TATDN1: variants seen among roughly 807,000 people sequenced by gnomAD.
TATDN1 encodes the protein TatD DNase domain containing 1.
TATDN1 carries 40 observed loss-of-function variants against 46.4 expected under a neutral mutation model. The observed-to-expected ratio is 0.86, with a 90% CI of 0.67 to 1.12. The LOEUF is 1.12. TATDN1 is among the 50% of genes most tolerant of loss of function. The pLI, the probability that TATDN1 is intolerant of heterozygous loss-of-function variation, is 0.00. For missense variants in TATDN1, 326 were observed against 348.4 expected (o/e 0.94, Z 0.51); for synonymous variants, 95 against 105.6 (o/e 0.90, Z 0.62).
At chr8:124,536,246 T>G (rs559689731) in intron 1 of TATDN1, among the ~76,000 whole-genome samples, 4 of 151,790 alleles carry the variant, frequency 2.6e-5, no homozygotes, top group African/African-American at 9.7e-5. Context: ...GAAAAGAGAG[T>G]ATAAGCTGGG....
rs374261084 is a variant in TATDN1, at chr8:124,491,975, CT to C, written c.791+1857del. On this transcript the variant is annotated intron_variant, in intron 11 of 11. Transcript: ENST00000276692. ...AAGTATTGATGAAGCCTTCACAGTT[CT>C]TTTTTTTTTTTTTTTGAGATGTATT... is the stretch of plus-strand genomic sequence containing the variant. 1.7e-3 allele frequency among the ~76,000 whole-genome samples: 231 copies of C among 136,448 alleles called. 1 individual carries two copies. Among genetic ancestry groups the C allele is most frequent in the Middle Eastern group, 0.011 (3 of 268 alleles). The allele number at this position is 136,448 out of a possible 152,430, so 89.5% of individuals were successfully genotyped here.
intron 9 of TATDN1, among the ~76,000 whole-genome samples, chr8:124,499,851 T>TC (rs1348037182): frequency 7.2e-6 from 1 of 139,586 alleles, no homozygotes; most frequent in Non-Finnish European, 1.5e-5. Flanking sequence ...GCCCCCATGT[T>TC]CTTTTTTTTT....
Position 124,508,666 on chromosome 8 carries a change from G to C in TATDN1, c.412C>G (p.Leu138Val). Residue 138 changes from leucine to valine, a missense_variant, in exon 7 of 12, where the codon CTG (leucine) becomes GTG (valine). Leu to Val is a conservative substitution (Grantham distance 32). Transcript: ENST00000276692. ...ATTGGTAATTTTGTTTGTTCTGACA[G>C]TTCAAACTGTTTTTCAAAATATCTG... ...QLKYFEKQFE[L>V]SEQTKLPMFL... The C allele has an allele frequency of 3.8e-6, 6 of 1,559,794 alleles. No homozygotes were observed. The South Asian group carries it at 4.8e-5, about 13-fold the overall frequency.
intron 8 of TATDN1, 56 bp downstream of exon 8, chr8:124,508,418 G>T: frequency 6.8e-7 from 1 of 1,478,286 alleles, no homozygotes; most frequent in South Asian, 1.2e-5. Flanking sequence ...GGAGTATTTT[G>T]GATTTTTGGA....
At chr8:124,504,375 A>G in intron 8 of TATDN1, 28 bp from the exon 9 acceptor site, 1 of 1,422,198 alleles carries the variant, frequency 7.0e-7, no homozygotes, top group Non-Finnish European at 9.5e-7. Context: ...TAAGTTTATT[A>G]TTATAATAAT....
chr8:124,520,589 CTAAA>C (rs1445275996), intron 3 of TATDN1, among the ~76,000 whole-genome samples: 1 of 151,852 alleles, frequency 6.6e-6, no homozygotes, highest in African/African-American at 2.4e-5. Flanking sequence ...TACAACTTTA[CTAAA>C]TAGTTGAAAA....
At chr8:124,506,216 C>G (rs1586597722) in intron 8 of TATDN1, among the ~76,000 whole-genome samples, 1 of 150,970 alleles carries the variant, frequency 6.6e-6, no homozygotes, top group South Asian at 2.1e-4. Flanking sequence ...GTGCCTGTAG[C>G]CCCAGCTACT....
At chr8:124,500,537 T>A (rs777348529) in intron 9 of TATDN1, among the ~76,000 whole-genome samples, 1 of 152,044 alleles carries the variant, frequency 6.6e-6, no homozygotes, top group South Asian at 2.1e-4. Flanking sequence ...TGAAACCCCA[T>A]CTCTACAAAA....
rs747021784 is a variant in TATDN1 at position 124,522,942 on chromosome 8, T to A, written c.83A>T (p.His28Leu). Residue 28 changes from histidine to leucine, a missense_variant, in exon 2 of 12, where the codon CAT (histidine) becomes CTT (leucine). Coordinates refer to ENST00000276692, the MANE Select transcript of TATDN1 (RefSeq NM_032026.4). ...FRGIYRGVQK[H>L]QDDLQDVIGR... ...TTAATAAAGGAAATATTTACCTTGATGCTTTTGAACCCCCCTATAAATTCC... is the reference window on the plus strand; with the variant it reads ...TTAATAAAGGAAATATTTACCTTGAAGCTTTTGAACCCCCCTATAAATTCC... 2 of 1,612,812 alleles carry A rather than the reference T, an allele frequency of 1.2e-6. No homozygotes were observed. The highest frequency in any genetic ancestry group is 1.3e-5 in the African/African-American group (1 of 74,934).
Position 124,519,052 on chromosome 8 carries a change from C to T in TATDN1, c.139-171G>A, listed in dbSNP as rs78557794. 4.0e-3 allele frequency among the ~76,000 whole-genome samples: 610 copies of T among 152,220 alleles called. 5 individuals carry two copies. The highest frequency in any genetic ancestry group is 0.014 in the African/African-American group (573 of 41,532). On this transcript the variant is annotated intron_variant, in intron 3 of 11. Coordinates refer to ENST00000276692, the MANE Select transcript of TATDN1 (RefSeq NM_032026.4). Reference sequence around the variant, plus strand: ...GATTACCTCCTATGCAGAGTAGTGCCTGACTACACCTCAGGGATGTATGTA... The same window carrying T: ...GATTACCTCCTATGCAGAGTAGTGCTTGACTACACCTCAGGGATGTATGTA...
intron 1 of TATDN1, among the ~76,000 whole-genome samples, chr8:124,526,415 T>C (rs1449229551): frequency 1.3e-5 from 2 of 152,234 alleles, no homozygotes; most frequent in Non-Finnish European, 2.9e-5. Flanking sequence ...AGACAAATAC[T>C]GTATGAAAAC....
chr8:124,497,714 C>T (rs1817603707), intron 9 of TATDN1, among the ~76,000 whole-genome samples: 1 of 152,156 alleles, frequency 6.6e-6, no homozygotes, highest in Non-Finnish European at 1.5e-5. Flanking sequence ...AGGCATATAT[C>T]TGGTGGTATT....
chr8:124,518,242 A>T (rs1166093754), intron 4 of TATDN1, among the ~76,000 whole-genome samples: 3 of 89,384 alleles, frequency 3.4e-5, no homozygotes, highest in African/African-American at 1.3e-4. Context: ...AAAAAAAAAA[A>T]GGCCGGGTGC....
intron 9 of TATDN1, among the ~76,000 whole-genome samples, chr8:124,497,434 T>C (rs1215524451): frequency 2.0e-5 from 3 of 151,956 alleles, no homozygotes; most frequent in Non-Finnish European, 2.9e-5. Context: ...TACAGGTGCC[T>C]GCCACCACGC....
chr8:124,514,303 C>T (rs974781331), intron 6 of TATDN1, among the ~76,000 whole-genome samples: 10 of 152,000 alleles, frequency 6.6e-5, no homozygotes, highest in South Asian at 2.1e-4. Flanking sequence ...TTTCCTCATG[C>T]GTAATTTAAA....
intron 4 of TATDN1, 22 bp from the exon 5 acceptor site, chr8:124,516,052 G>A: frequency 5.8e-6 from 9 of 1,551,302 alleles, no homozygotes; most frequent in Non-Finnish European, 7.0e-6. Flanking sequence ...TAATGTCTTA[G>A]GATTATTTTC....
chr8:124,527,048 A>G (rs1374468558), intron 1 of TATDN1, among the ~76,000 whole-genome samples: 1 of 152,204 alleles, frequency 6.6e-6, no homozygotes, highest in African/African-American at 2.4e-5. Context: ...TCTTTTATTG[A>G]CGTGCAACCT....
rs371587477 is a variant in TATDN1, at chr8:124,539,040, G to C, written c.7C>G (p.Arg3Gly). ...CTCCTCTTACCGATAAACTTGAAGC[G>C]ACTCATGACTGCGCATGGAGGACCT... MS[R>G]FKFIDIGINL... Residue 3 changes from arginine to glycine, a missense_variant, in exon 1 of 12, where the codon CGC (arginine) becomes GGC (glycine). Physicochemically the swap from Arg to Gly is moderately radical, Grantham distance 125. Transcript: ENST00000276692. 4.7e-5 allele frequency: 76 copies of C among 1,613,848 alleles called. No individual in the cohort carries two copies. Among genetic ancestry groups the C allele is most frequent in the African/African-American group, 4.1e-4 (31 of 75,028 alleles).
chr8:124,535,946 A>G (rs1292609514), intron 1 of TATDN1, among the ~76,000 whole-genome samples: 1 of 152,206 alleles, frequency 6.6e-6, no homozygotes, highest in Non-Finnish European at 1.5e-5. Flanking sequence ...AGTGACCCAA[A>G]CACCTCCCAC....
Sources: gnomAD v4.1 joint callset for allele counts (sites outside exome capture counted in the v4.1 genomes callset) on GRCh38, gnomAD v4.1.1 for gene constraint, MANE v1.5 for transcripts, NCBI Gene and HGNC (gene_info 2026-07-23, HGNC 2026-07-21) for gene names.